Variants in C1orf159 observed in about 807,000 individuals in gnomAD.
The protein encoded by C1orf159 is chromosome 1 open reading frame 159.
A neutral mutation model predicts 25.6 loss-of-function variants in C1orf159; 19 were observed. The observed-to-expected ratio is 0.74, with a 90% CI of 0.52 to 1.09. The LOEUF (loss-of-function observed/expected upper bound fraction) is 1.09, where lower values mean the gene tolerates loss of function less well. Among genes scored for constraint, C1orf159 ranks in the 50% least tolerant of loss-of-function variants. The pLI is 0.00. For missense variants in C1orf159, 274 were observed against 290.6 expected, an observed-to-expected ratio of 0.94 and a Z score of 0.42; for synonymous variants, 139 against 124.7, an observed-to-expected ratio of 1.12 and a Z score of -0.77.
intron 1 of C1orf159, among the ~76,000 whole-genome samples, chr1:1,108,115 C>T (rs923278207): frequency 6.1e-5 from 9 of 147,010 alleles, no homozygotes; most frequent in African/African-American, 2.3e-4. Flanking sequence ...TGTCTCAGCA[C>T]TGTTCACCAC....
At chr1:1,093,330 A>G (rs922608066) in intron 1 of C1orf159, among the ~76,000 whole-genome samples, 3 of 152,258 alleles carry the variant, frequency 2.0e-5, no homozygotes, top group African/African-American at 7.2e-5. Flanking sequence ...CAGAAGTCCA[A>G]GATTTCAATC....
In C1orf159 at chr1:1,110,226, A is replaced by C. The variant is rs12080505; in HGVS notation, c.-136+5834T>G. Among the ~76,000 whole-genome samples, 7,170 of 152,232 alleles carry C rather than the reference A, an allele frequency of 0.047. 387 individuals carry two copies. The highest frequency in any genetic ancestry group is 0.13 in the African/African-American group (5,272 of 41,510). Reference sequence around the variant, plus strand: ...ACTGAAAAAGGGTGGCAGTATAACCAGGTGTGTCCAACCTCCCATCCTTTT... The same window carrying C: ...ACTGAAAAAGGGTGGCAGTATAACCCGGTGTGTCCAACCTCCCATCCTTTT... On this transcript the variant is annotated intron_variant, in intron 1 of 9. Transcript: ENST00000421241. This position sits in a 1 kb window ranked among gnomAD's most constrained non-coding sequence, Gnocchi z 4.8.
At chr1:1,097,271 T>A (rs1187025346) in intron 1 of C1orf159, among the ~76,000 whole-genome samples, 2 of 152,048 alleles carry the variant, frequency 1.3e-5, no homozygotes, top group Non-Finnish European at 2.9e-5. Context: ...CATGCCTGGC[T>A]AATTTTTGTA....
At chr1:1,084,456 A>C in intron 8 of C1orf159, 25 bp downstream of exon 8, 1 of 1,569,428 alleles carries the variant, frequency 6.4e-7, no homozygotes, top group Non-Finnish European at 8.6e-7. Context: ...AGGGACGCTC[A>C]GCCCGGATGA....
intron 1 of C1orf159, among the ~76,000 whole-genome samples, chr1:1,113,053 G>T (rs142315333): frequency 2.4e-4 from 36 of 152,188 alleles, no homozygotes; most frequent in African/African-American, 8.4e-4. Flanking sequence ...AAAATTAGCC[G>T]GTTGTGGTGG....
At chr1:1,113,555 T>G (rs539555300) in intron 1 of C1orf159, among the ~76,000 whole-genome samples, 1 of 152,228 alleles carries the variant, frequency 6.6e-6, no homozygotes, top group East Asian at 1.9e-4. Flanking sequence ...TATGTCCCAC[T>G]TCTGACACCA....
intron 1 of C1orf159, among the ~76,000 whole-genome samples, chr1:1,108,691 C>T (rs1174389119): frequency 1.3e-5 from 1 of 75,452 alleles, no homozygotes; most frequent in Non-Finnish European, 2.6e-5. Flanking sequence ...CACCATGTCT[C>T]AGCACCATCC....
At chr1:1,114,331 C>T (rs1646304291) in intron 1 of C1orf159, among the ~76,000 whole-genome samples, 1 of 152,178 alleles carries the variant, frequency 6.6e-6, no homozygotes, top group African/African-American at 2.4e-5. Flanking sequence ...GTGCTTGCCC[C>T]CATGCCTGGA....
chr1:1,084,555 A>C, intron 7 of C1orf159, 49 bp from the exon 8 acceptor site: 1 of 1,547,932 alleles, frequency 6.5e-7, no homozygotes, highest in African/African-American at 1.4e-5. Context: ...GAGCTGCCTC[A>C]ACCTCAGCCC....
At chr1:1,083,103 G>T in intron 9 of C1orf159, 116 bp from the exon 10 acceptor site, 2 of 832,434 alleles carry the variant, frequency 2.4e-6, no homozygotes, top group Non-Finnish European at 3.7e-6. Context: ...GGCGCCCGGG[G>T]CTGTTTACTC....
intron 4 of C1orf159, among the ~76,000 whole-genome samples, chr1:1,088,471 C>A (rs1310288526): frequency 2.0e-5 from 3 of 149,316 alleles, no homozygotes; most frequent in Non-Finnish European, 4.5e-5. Context: ...GATCCCGACC[C>A]TTGGTCCATC....
chr1:1,106,901 G>A (rs1363745571), intron 1 of C1orf159: 1 of 152,724 alleles, frequency 6.5e-6, no homozygotes, highest in African/African-American at 2.4e-5. Flanking sequence ...TGGGCAGTGA[G>A]GGGTTTAGCA....
chr1:1,084,106 A>G (rs765017140), intron 9 of C1orf159: 11 of 1,587,550 alleles, frequency 6.9e-6, no homozygotes, highest in African/African-American at 5.4e-5. Context: ...AGGAAAGAGC[A>G]TGGAAGTCAC....
intron 1 of C1orf159, among the ~76,000 whole-genome samples, chr1:1,106,340 G>T (rs1194348809): frequency 1.3e-5 from 2 of 152,120 alleles, no homozygotes; most frequent in Non-Finnish European, 2.9e-5. Flanking sequence ...CATTAGAATG[G>T]CTATTACCAA....
chr1:1,091,520 G>A lies in C1orf159; in HGVS notation c.24C>T (p.Leu8=). Residue 8 remains leucine, a synonymous_variant, in exon 3 of 10, where the codon CTC becomes CTT. Coordinates refer to ENST00000421241, the MANE Select transcript of C1orf159 (RefSeq NM_017891.5). MALRHLA[L]LAGLLVGVAS... is the part of the protein sequence containing the mutation. Reference sequence around the variant, plus strand: ...CGACTCCCACGAGAAGGCCAGCCAGGAGGGCGAGGTGCCGCAGCGCCATGC... The same window carrying A: ...CGACTCCCACGAGAAGGCCAGCCAGAAGGGCGAGGTGCCGCAGCGCCATGC... 7.7e-6 allele frequency: 12 copies of A among 1,550,104 alleles called. No homozygotes were observed. The highest frequency in any genetic ancestry group is 1.0e-5 in the Non-Finnish European group (12 of 1,146,904).
intron 1 of C1orf159, among the ~76,000 whole-genome samples, chr1:1,099,478 G>C (rs1646063619): frequency 6.8e-6 from 1 of 147,414 alleles, no homozygotes; most frequent in African/African-American, 2.6e-5. Context: ...GAATTGCAGA[G>C]AGAGAGGTTA....
intron 1 of C1orf159, chr1:1,106,851 C>CA (rs1646178817): frequency 6.6e-6 from 1 of 152,598 alleles, no homozygotes; most frequent in African/African-American, 2.4e-5. Flanking sequence ...GCAGGCTCGG[C>CA]GGGCCCCGCA....
intron 1 of C1orf159, among the ~76,000 whole-genome samples, chr1:1,094,806 T>G (rs544241684): frequency 6.6e-6 from 1 of 152,362 alleles, no homozygotes; most frequent in Non-Finnish European, 1.5e-5. Context: ...TTGTGGTTCT[T>G]GTTTTTTATG....
intron 1 of C1orf159, among the ~76,000 whole-genome samples, chr1:1,105,466 A>G (rs545115761): frequency 2.4e-4 from 37 of 152,320 alleles, no homozygotes; most frequent in African/African-American, 6.5e-4. Flanking sequence ...AGATCGCGCC[A>G]CCACACCCTA....
Sources: allele counts gnomAD v4.1 joint callset (sites outside exome capture counted in the v4.1 genomes callset), GRCh38; gene constraint gnomAD v4.1.1; non-coding constraint Gnocchi (gnomAD v3.1); transcripts MANE v1.5; gene names NCBI Gene and HGNC (gene_info 2026-07-23, HGNC 2026-07-21).